Variants in P3H2 observed in about 807,000 individuals in gnomAD.
P3H2 encodes the protein prolyl 3-hydroxylase 2, also known as leprecan-like 1.
A neutral mutation model predicts 87.0 loss-of-function variants in P3H2; 80 were observed. The ratio of observed to expected loss-of-function variants is 0.92; its 90% CI spans 0.77 to 1.11. The LOEUF (loss-of-function observed/expected upper bound fraction) is 1.11. Ranked by LOEUF, P3H2 falls within the 50% of genes least tolerant of loss-of-function variation. P3H2 has a pLI of 0.00. For missense variants in P3H2, 1,001 were observed against 923.9 expected, an observed-to-expected ratio of 1.08 and a Z score of -1.08; for synonymous variants, 367 against 359.3, an observed-to-expected ratio of 1.02 and a Z score of -0.24.
In P3H2 at chr3:190,032,624, C is replaced by T. The variant is rs141205535; in HGVS notation, c.481-37182G>A. ...AGAACATTTATGGGTACATTTAGAG[C>T]TTTGGATTTGTAAGATTAGAATTTG... On this transcript the variant is annotated intron_variant, in intron 1 of 14. Transcript: ENST00000319332. 5.1e-3 allele frequency among the ~76,000 whole-genome samples: 782 copies of T among 152,256 alleles called. 9 individuals carry two copies. The highest frequency in any genetic ancestry group is 0.018 in the African/African-American group (731 of 41,548).
At chr3:189,987,841 G>T in intron 4 of P3H2, 172 bp from the exon 5 acceptor site, 1 of 725,488 alleles carries the variant, frequency 1.4e-6, no homozygotes, top group Non-Finnish European at 2.3e-6. Context: ...GGAAAGACAT[G>T]ATTTCAAGTA....
chr3:190,093,003 T>C (rs1727462585), intron 1 of P3H2, among the ~76,000 whole-genome samples: 1 of 152,218 alleles, frequency 6.6e-6, no homozygotes, highest in Non-Finnish European at 1.5e-5. Flanking sequence ...TCTCTTCTCC[T>C]ACTCCAATTC....
chr3:190,065,974 C>T (rs1433295138), intron 1 of P3H2, among the ~76,000 whole-genome samples: 1 of 151,946 alleles, frequency 6.6e-6, no homozygotes, highest in Non-Finnish European at 1.5e-5. Flanking sequence ...AATGATCATT[C>T]AGGAGTGTGC....
At chr3:189,965,005 T>C (rs1056999991) in intron 13 of P3H2, among the ~76,000 whole-genome samples, 6 of 152,240 alleles carry the variant, frequency 3.9e-5, no homozygotes, top group Admixed American at 2.6e-4. Flanking sequence ...TTTGTCTTTC[T>C]TGGGAAATAC....
At chr3:190,104,328 G>A (rs1382244171) in intron 1 of P3H2, among the ~76,000 whole-genome samples, 1 of 152,022 alleles carries the variant, frequency 6.6e-6, no homozygotes, top group African/African-American at 2.4e-5. Context: ...ATGTCAGCTG[G>A]TCCGAGACAG....
At chr3:189,981,940 T>TCAAAACTGGTTCAAAACTAA (rs1723548685) in intron 8 of P3H2, among the ~76,000 whole-genome samples, 2 of 152,116 alleles carry the variant, frequency 1.3e-5, no homozygotes, top group African/African-American at 4.8e-5. Flanking sequence ...AAAACTGACT[T>TCAAAACTGGTTCAAAACTAA]GGAAGCTAAG....
chr3:189,972,888 C>G lies in P3H2; in HGVS notation c.1685G>C (p.Arg562Pro), dbSNP rs376010445. 6.2e-7 allele frequency: 1 copy of G among 1,613,926 alleles called. No individual in the cohort carries two copies. Among genetic ancestry groups the G allele is most frequent in the Non-Finnish European group, 8.5e-7 (1 of 1,179,924 alleles). ...LYFSYTHMVC[R>P]TALSGQQDRR... ...TGCAATCTCACCAGACAGGGCTGTT[C>G]GGCAGACCATGTGTGTATAGGAAAA... is the stretch of plus-strand genomic sequence containing the variant. The change falls in exon 11 of 15, where the codon CGA (arginine) becomes CCA (proline). Residue 562 changes from arginine (R) to proline (P), a missense_variant. Arg to Pro is a moderately radical substitution (Grantham distance 103). Transcript: ENST00000319332.
intron 13 of P3H2, chr3:189,969,435 T>G (rs1723103902): frequency 1.2e-6 from 1 of 828,320 alleles, no homozygotes; most frequent in African/African-American, 1.7e-5. Flanking sequence ...TTTGGGGGCT[T>G]GGCCCCCATT....
intron 1 of P3H2, among the ~76,000 whole-genome samples, chr3:190,091,358 G>T (rs1727401689): frequency 1.3e-5 from 2 of 152,186 alleles, no homozygotes; most frequent in Admixed American, 1.3e-4. Flanking sequence ...GGACACATTT[G>T]TTACCTTAAC....
intron 13 of P3H2, among the ~76,000 whole-genome samples, chr3:189,970,498 G>A (rs560600084): frequency 2.6e-5 from 4 of 151,712 alleles, no homozygotes; most frequent in South Asian, 4.2e-4. Context: ...AGGAACTGAC[G>A]TTCTTACGTT....
At chr3:190,065,397 G>T (rs1159880600) in intron 1 of P3H2, among the ~76,000 whole-genome samples, 1 of 152,052 alleles carries the variant, frequency 6.6e-6, no homozygotes, top group Non-Finnish European at 1.5e-5. Context: ...GCCATTTGTT[G>T]AAGACGTCAG....
chr3:189,993,322 CAAA>C (rs11337333), intron 3 of P3H2, among the ~76,000 whole-genome samples: 55 of 124,788 alleles, frequency 4.4e-4, no homozygotes, highest in Non-Finnish European at 5.8e-4. Context: ...AACTCTGTCT[CAAA>C]AAAAAAAAAA....
At position 189,984,536 on chromosome 3, in the gene P3H2, C is replaced by T. The variant is rs1185016746; in HGVS notation, c.1229+14G>A. On this transcript the variant is annotated intron_variant, in intron 7 of 14. Coordinates refer to ENST00000319332, the MANE Select transcript of P3H2 (RefSeq NM_018192.4). The stretch of plus-strand genomic sequence containing the variant: ...TCCTCATAAAAAACCAGTTTGCATT[C>T]TGAATGGACTTACCGATTCTCATCC... The T allele has an allele frequency of 6.2e-7, 1 of 1,606,388 alleles. No individual in the cohort carries two copies. The highest frequency in any genetic ancestry group is 8.5e-7 in the Non-Finnish European group (1 of 1,173,472).
rs180923096 is a variant in P3H2, at chr3:190,056,760, G to A, written c.481-61318C>T. ...ACTGGGATGCCTTAAACATGCCAGC[G>A]GTCTATTTCTATAAATCCAAGGAGC... On this transcript the variant is annotated intron_variant, in intron 1 of 14. Transcript: ENST00000319332. Among the ~76,000 whole-genome samples the A allele has an allele frequency of 1.2e-3, 178 of 152,226 alleles. 3 individuals carry two copies. The East Asian group carries it at 0.027, about 23-fold the overall frequency.
intron 1 of P3H2, among the ~76,000 whole-genome samples, chr3:190,004,178 T>C (rs1479893279): frequency 2.0e-5 from 3 of 152,162 alleles, no homozygotes; most frequent in African/African-American, 7.2e-5. Flanking sequence ...ATTTGTCATA[T>C]AGGTTGTATG....
At chr3:190,007,272 GAAGT>G (rs1049757731) in intron 1 of P3H2, among the ~76,000 whole-genome samples, 1 of 152,176 alleles carries the variant, frequency 6.6e-6, no homozygotes, top group South Asian at 2.1e-4. Context: ...ATATAACAGA[GAAGT>G]AAGTTGGTCA....
In P3H2 at chr3:189,994,128, T is replaced by C. The variant is rs1723965347; in HGVS notation, c.789A>G (p.Leu263=). Residue 263 remains leucine (L), a synonymous_variant, in exon 3 of 15, where the codon TTA becomes TTG. Coordinates refer to ENST00000319332, the MANE Select transcript of P3H2 (RefSeq NM_018192.4). ...CTTCATACAGACCAGCCTTATACCCTAAATACTCATATTCTTCAAATCTCT... is the reference window on the plus strand; with the variant it reads ...CTTCATACAGACCAGCCTTATACCCCAAATACTCATATTCTTCAAATCTCT... ...GPQRFEEYEY[L]GYKAGLYEAI... The C allele has an allele frequency of 6.2e-7, 1 of 1,613,582 alleles. No homozygotes were observed. The highest frequency in any genetic ancestry group is 8.5e-7 in the Non-Finnish European group (1 of 1,179,768).
rs1256956930 is a variant in P3H2 at position 190,066,158 on chromosome 3, T to TATATACACACAC, written c.480+54093_480+54094insGTGTGTGTATAT. On this transcript the variant is annotated intron_variant, in intron 1 of 14. Coordinates refer to ENST00000319332, the MANE Select transcript of P3H2 (RefSeq NM_018192.4). Reference sequence around the variant, plus strand: ...ACTGTGGTGTGTATATATATATATATACACACACACACACACACACATATA... The same window carrying TATATACACACAC: ...ACTGTGGTGTGTATATATATATATATATATACACACACACACACACACACACACACACATATA... 1.4e-3 allele frequency among the ~76,000 whole-genome samples: 193 copies of TATATACACACAC among 134,614 alleles called. 1 individual carries two copies. The highest frequency in any genetic ancestry group is 5.9e-3 in the African/African-American group (189 of 32,224). The allele number at this position is 134,614 out of a possible 152,430, so 88.3% of individuals were successfully genotyped here. A position where few individuals can be genotyped will look rare whatever the true frequency, so the allele number is the denominator to read the frequency against.
At chr3:190,117,325 G>A (rs771892580) in intron 1 of P3H2, among the ~76,000 whole-genome samples, 4 of 152,018 alleles carry the variant, frequency 2.6e-5, no homozygotes, top group Admixed American at 6.6e-5. Flanking sequence ...TGCTTTCATC[G>A]GAGGCCCACT....
Sources: allele counts gnomAD v4.1 joint callset (sites outside exome capture counted in the v4.1 genomes callset), GRCh38; gene constraint gnomAD v4.1.1; transcripts MANE v1.5; gene names NCBI Gene and HGNC (gene_info 2026-07-23, HGNC 2026-07-21).